The following MTR variants were observed in gnomAD, a reference collection of about 807,000 sequenced individuals.
MTR encodes 5-methyltetrahydrofolate-homocysteine methyltransferase, also known as methionine synthase.
Under a neutral mutation model 154.8 loss-of-function variants are expected in MTR, and 84 were observed. The ratio of observed to expected loss-of-function variants is 0.54; its 90% confidence interval spans 0.45 to 0.65. The LOEUF is 0.65. MTR is among the 30% of genes least tolerant of loss of function. MTR has a pLI of 0.00. For missense variants in MTR, 1,275 were observed against 1,570.2 expected (o/e 0.81, Z 3.18); for synonymous variants, 554 against 553.9 (o/e 1.00, Z 0.00).
intron 15 of MTR, among the ~76,000 whole-genome samples, chr1:236,843,105 G>A (rs887528020): frequency 2.1e-5 from 3 of 143,482 alleles, no homozygotes; most frequent in African/African-American, 7.5e-5. Flanking sequence ...AAAAAAAAAA[G>A]TGTGTGTGTA....
chr1:236,891,133 G>A lies in MTR; in HGVS notation c.3008G>A (p.Gly1003Asp). Reference protein sequence around the residue: ...FPKIFNDKTVGGEARKVYDDA... With the variant: ...FPKIFNDKTVDGEARKVYDDA... ...AATTCTAATTCTGTTTTTCTAATAG[G>A]TGGAGAGGCCAGGAAGGTCTACGAT... is the stretch of plus-strand genomic sequence containing the variant. Residue 1003 changes from glycine to aspartate, a missense_variant and splice_region_variant, in exon 29 of 33, where the codon GGT becomes GAT. By Grantham distance (94) the Gly-to-Asp change is moderately conservative. Transcript: ENST00000366577. The A allele has an allele frequency of 1.2e-6, 2 of 1,614,112 alleles. No individual in the cohort carries two copies. The highest frequency in any genetic ancestry group is 2.7e-5 in the African/African-American group (2 of 75,030).
intron 5 of MTR, 116 bp from the exon 6 acceptor site, chr1:236,812,622 A>G (rs1661369746): frequency 1.2e-6 from 1 of 825,372 alleles, no homozygotes; most frequent in Non-Finnish European, 2.1e-6. Context: ...ATGTTCTTAA[A>G]CTATGCATTG....
chr1:236,820,053 T>A (rs1661834185), intron 8 of MTR: 1 of 800,898 alleles, frequency 1.2e-6, no homozygotes, highest in Non-Finnish European at 2.2e-6. Context: ...GGCATCTTTA[T>A]GTTAACCTGC....
At chr1:236,854,387 A>C (rs547925257) in intron 18 of MTR, among the ~76,000 whole-genome samples, 1 of 152,300 alleles carries the variant, frequency 6.6e-6, no homozygotes, top group African/African-American at 2.4e-5. Context: ...ATCAAGTTCT[A>C]CTTCTCAGCA....
At position 236,887,864 on chromosome 1, in the gene MTR, C is replaced by T. The variant is rs115289956; in HGVS notation, c.2852-1317C>T. Among the ~76,000 whole-genome samples, 515 of 152,362 alleles carry T rather than the reference C, an allele frequency of 3.4e-3. 2 individuals are homozygous for T. The highest frequency in any genetic ancestry group is 0.011 in the African/African-American group (453 of 41,584). Reference sequence around the variant, plus strand: ...AATTCTGGGAGACGAGAGAGTCCATCAGTGGCTCTGCAGCAGCATGTTCTC... The same window carrying T: ...AATTCTGGGAGACGAGAGAGTCCATTAGTGGCTCTGCAGCAGCATGTTCTC... On this transcript the variant is annotated intron_variant, in intron 27 of 32. Transcript: ENST00000366577.
chr1:236,855,239 T>C (rs1463722802), intron 18 of MTR, among the ~76,000 whole-genome samples: 1 of 152,192 alleles, frequency 6.6e-6, no homozygotes, highest in Non-Finnish European at 1.5e-5. Context: ...CAGATTCCTG[T>C]CTGATATATT....
At position 236,829,520 on chromosome 1, in the gene MTR, G is replaced by A. The variant is rs947966624; in HGVS notation, c.1075+252G>A. Among the ~76,000 whole-genome samples the A allele has an allele frequency of 3.3e-5, 5 of 152,268 alleles. No individual in the cohort carries two copies. In the South Asian group the frequency reaches 1.0e-3, roughly 32 times the overall value. On this transcript the variant is annotated intron_variant, in intron 12 of 32. Transcript: ENST00000366577. ...TGCCCAGGTAGAGTCCTTGGTGGGA[G>A]CTCGATGGTCCTATCTTTATTGTCC...
Position 236,898,956 on chromosome 1 carries a change from T to C in MTR, c.*1312T>C, listed in dbSNP as rs2147970670. The C allele has an allele frequency of 6.6e-6, 1 of 152,326 alleles. No individual in the cohort carries two copies. Among genetic ancestry groups the C allele is most frequent in the Non-Finnish European group, 1.5e-5 (1 of 68,032 alleles). 9.4% of individuals were successfully genotyped at this position (152,326 alleles called of 1,614,324 possible). On this transcript the variant is annotated 3_prime_UTR_variant, in exon 33 of 33. Coordinates refer to ENST00000366577, the MANE Select transcript of MTR (RefSeq NM_000254.3). ...ATTTCAAAAATTTGCATGCAAAATA[T>C]ACACTCATCCTACTTCAAGATGGTG...
intron 18 of MTR, among the ~76,000 whole-genome samples, chr1:236,858,300 A>G (rs1664318720): frequency 6.6e-6 from 1 of 152,216 alleles, no homozygotes; most frequent in Non-Finnish European, 1.5e-5. Flanking sequence ...AAACCCCTTT[A>G]TAAAACCATT....
At chr1:236,882,551 C>A (rs1051014411) in intron 25 of MTR, among the ~76,000 whole-genome samples, 9 of 152,206 alleles carry the variant, frequency 5.9e-5, no homozygotes, top group African/African-American at 2.2e-4. Context: ...CCACCACTTC[C>A]GGCTAATTTT....
In MTR at chr1:236,903,486, C is replaced by G. The variant is rs1667008752; in HGVS notation, c.*5842C>G. 1 of 152,134 alleles carries G rather than the reference C, an allele frequency of 6.6e-6. No homozygotes were observed. Among genetic ancestry groups the G allele is most frequent in the African/African-American group, 2.4e-5 (1 of 41,428 alleles). 9.4% of individuals were successfully genotyped at this position (152,134 alleles called of 1,614,324 possible). On this transcript the variant is annotated 3_prime_UTR_variant, in exon 33 of 33. Coordinates refer to ENST00000366577, the MANE Select transcript of MTR (RefSeq NM_000254.3). ...TTTCAAAGATGCCTTTTGCCTCATC[C>G]CTTGCTTTTAAGTATTATTATAGAC... is the stretch of plus-strand genomic sequence containing the variant.
chr1:236,830,870 C>T (rs1242965379), intron 12 of MTR, among the ~76,000 whole-genome samples: 1 of 152,186 alleles, frequency 6.6e-6, no homozygotes, highest in Non-Finnish European at 1.5e-5. Context: ...ATGCTTTTGT[C>T]ATGACCCAGT....
rs1228136721 is a variant in MTR, at chr1:236,803,495, T to G, written c.102T>G (p.Asp34Glu). 1 of 1,614,112 alleles carries G rather than the reference T, an allele frequency of 6.2e-7. No individual in the cohort carries two copies. The highest frequency in any genetic ancestry group is 8.5e-7 in the Non-Finnish European group (1 of 1,180,004). The stretch of plus-strand genomic sequence containing the variant: ...TGCAGAAGAGGATTATGGTGCTGGA[T>G]GGAGGGATGGGGACCATGATCCAGC... ...AILQKRIMVL[D>E]GGMGTMIQRE... The change falls in exon 2 of 33, where the codon GAT becomes GAG. Residue 34 changes from aspartate (D) to glutamate (E), a missense_variant. Physicochemically the swap from Asp to Glu is conservative, Grantham distance 45. Coordinates refer to ENST00000366577, the MANE Select transcript of MTR (RefSeq NM_000254.3).
At chr1:236,846,780 TC>T (rs1558306794) in intron 15 of MTR, among the ~76,000 whole-genome samples, 4 of 152,358 alleles carry the variant, frequency 2.6e-5, no homozygotes, top group Non-Finnish European at 5.9e-5. Context: ...TTAGATTTTT[TC>T]CCTTGGAAAC....
intron 3 of MTR, among the ~76,000 whole-genome samples, chr1:236,807,089 G>A (rs1015457154): frequency 1.3e-5 from 2 of 152,024 alleles, no homozygotes; most frequent in African/African-American, 2.4e-5. Flanking sequence ...TCAATTTTTT[G>A]TATATATACA....
At chr1:236,891,506 G>C (rs1666325322) in intron 29 of MTR, among the ~76,000 whole-genome samples, 177 bp downstream of exon 29, 1 of 152,182 alleles carries the variant, frequency 6.6e-6, no homozygotes, top group African/African-American at 2.4e-5. Context: ...ACGAGGGAGA[G>C]AAGGCGCCAC....
chr1:236,844,309 A>C (rs1463215288), intron 15 of MTR, among the ~76,000 whole-genome samples: 1 of 152,178 alleles, frequency 6.6e-6, no homozygotes, highest in Non-Finnish European at 1.5e-5. Flanking sequence ...GTTTCCAAGG[A>C]GATGAAAACT....
At chr1:236,803,293 T>C in intron 1 of MTR, 135 bp from the exon 2 acceptor site, 1 of 883,870 alleles carries the variant, frequency 1.1e-6, no homozygotes, top group Non-Finnish European at 1.8e-6. Context: ...TTTTCCTATA[T>C]AGAGTTATGA....
intron 10 of MTR, among the ~76,000 whole-genome samples, chr1:236,825,981 C>A (rs1236099603): frequency 6.6e-6 from 1 of 152,038 alleles, no homozygotes; most frequent in Non-Finnish European, 1.5e-5. Context: ...ACAATCTTTC[C>A]AATACTCTTG....
Sources: allele counts gnomAD v4.1 joint callset (sites outside exome capture counted in the v4.1 genomes callset), GRCh38; gene constraint gnomAD v4.1.1; transcripts MANE v1.5; gene names NCBI Gene and HGNC (gene_info 2026-07-23, HGNC 2026-07-21).